The following SAMD8 variants were observed in gnomAD, a reference collection of about 807,000 sequenced individuals.
The protein encoded by SAMD8 is sphingomyelin synthase-related protein 1.
In SAMD8, 20 loss-of-function variants were observed where a neutral mutation model predicts 42.0. The ratio of observed to expected loss-of-function variants is 0.48; its 90% confidence interval spans 0.34 to 0.69. SAMD8 has a LOEUF of 0.69. Ranked by LOEUF, SAMD8 falls within the 30% of genes least tolerant of loss-of-function variation. SAMD8 has a pLI of 0.01. For synonymous variants in SAMD8, 162 were observed against 173.0 expected, an observed-to-expected ratio of 0.94 and a Z score of 0.50; for missense variants, 328 against 511.6, an observed-to-expected ratio of 0.64 and a Z score of 3.46.
intron 1 of SAMD8, among the ~76,000 whole-genome samples, chr10:75,143,177 C>T (rs773933768): frequency 4.4e-4 from 67 of 152,136 alleles, no homozygotes; most frequent in Admixed American, 7.9e-4. Flanking sequence ...TGCAGTGGCA[C>T]GGGCCCATAA....
intron 2 of SAMD8, among the ~76,000 whole-genome samples, chr10:75,154,758 G>A (rs1463759781): frequency 6.6e-6 from 1 of 152,160 alleles, no homozygotes; most frequent in Non-Finnish European, 1.5e-5. Flanking sequence ...GATGAGAACA[G>A]TGGTAGAGGT....
At chr10:75,142,097 A>G (rs934029100) in intron 1 of SAMD8, among the ~76,000 whole-genome samples, 4 of 151,840 alleles carry the variant, frequency 2.6e-5, no homozygotes, top group African/African-American at 9.7e-5. Flanking sequence ...GCAGGCACCC[A>G]CCACCATGCC....
rs530043259 is a variant in SAMD8, at chr10:75,159,063, C to CTTTTTTTTTTTTTTTTTTTTTTTTTT, written c.579-5569_579-5568insTTTTTTTTTTTTTTTTTTTTTTTTTT. ...TGTAGACAAATTTTTTTTTCTTTTT[C>CTTTTTTTTTTTTTTTTTTTTTTTTTT]TTTTTTTTTTTTTGAGACAGAGTCT... is the stretch of plus-strand genomic sequence containing the variant. On this transcript the variant is annotated intron_variant, in intron 2 of 5. Transcript: ENST00000542569. Among the ~76,000 whole-genome samples, 2 of 133,456 alleles carry CTTTTTTTTTTTTTTTTTTTTTTTTTT rather than the reference C, an allele frequency of 1.5e-5. 1 individual carries two copies. Among genetic ancestry groups the CTTTTTTTTTTTTTTTTTTTTTTTTTT allele is most frequent in the Admixed American group, 1.5e-4 (2 of 12,966 alleles). 87.6% of individuals were successfully genotyped at this position (133,456 alleles called of 152,430 possible).
intron 4 of SAMD8, among the ~76,000 whole-genome samples, chr10:75,171,087 T>G (rs965893578): frequency 6.6e-6 from 1 of 151,596 alleles, no homozygotes; most frequent in Admixed American, 6.6e-5. Context: ...TAGATACTTT[T>G]GAAACAAGGT....
chr10:75,120,512 G>A (rs949073386), intron 1 of SAMD8, among the ~76,000 whole-genome samples: 2 of 151,672 alleles, frequency 1.3e-5, no homozygotes, highest in Non-Finnish European at 2.9e-5. Context: ...CTCGTGATCC[G>A]CCCGCCTCAG....
At chr10:75,163,982 T>C (rs1052995684) in intron 2 of SAMD8, among the ~76,000 whole-genome samples, 3 of 152,048 alleles carry the variant, frequency 2.0e-5, no homozygotes, top group African/African-American at 7.2e-5. Flanking sequence ...ACTTTGGAAG[T>C]CTGAGACGGG....
rs747790763 is a variant in SAMD8, at chr10:75,176,167, T to C, written c.894T>C (p.Phe298=). Reference sequence around the variant, plus strand: ...TTCACACATGTGGAGATTACATGTTTAGTGGCCACACAGTCGTCCTAACTA... The same window carrying C: ...TTCACACATGTGGAGATTACATGTTCAGTGGCCACACAGTCGTCCTAACTA... ...TGVHTCGDYM[F]SGHTVVLTML... The change falls in exon 5 of 6, where the codon TTT becomes TTC. Residue 298 remains phenylalanine, a synonymous_variant. Transcript: ENST00000542569. This position sits in a 1 kb window ranked among gnomAD's most constrained non-coding sequence, Gnocchi z 4.3. The C allele has an allele frequency of 9.3e-6, 15 of 1,614,248 alleles. No homozygotes were observed. In the South Asian group the frequency reaches 1.4e-4, roughly 15 times the overall value.
chr10:75,107,937 G>T, upstream of SAMD8: 2 of 1,532,708 alleles, frequency 1.3e-6, no homozygotes, highest in Non-Finnish European at 1.8e-6. Flanking sequence ...AGGAAATGAG[G>T]CATCCTCCCC....
rs1016576285 is a variant in SAMD8, at chr10:75,149,601, G to A, written c.-15-913G>A. ...TTATGTGTGCAGTAGTTAGAAATAC[G>A]CTTAATCTAAAGGGTTCCCTGGAAT... is the stretch of plus-strand genomic sequence containing the variant. On this transcript the variant is annotated intron_variant, in intron 1 of 5. Coordinates refer to ENST00000542569, the MANE Select transcript of SAMD8 (RefSeq NM_001174156.2). 2.6e-5 allele frequency among the ~76,000 whole-genome samples: 4 copies of A among 152,050 alleles called. No homozygotes were observed. The South Asian group carries it at 6.2e-4, about 24-fold the overall frequency.
chr10:75,168,424 C>T, intron 3 of SAMD8, 117 bp from the exon 4 acceptor site: 1 of 1,512,114 alleles, frequency 6.6e-7, no homozygotes, highest in South Asian at 1.3e-5. Flanking sequence ...TTTCTGTCCT[C>T]TTCAAAGAGT....
chr10:75,129,468 G>A (rs892710528), intron 1 of SAMD8, among the ~76,000 whole-genome samples: 1 of 152,122 alleles, frequency 6.6e-6, no homozygotes, highest in Middle Eastern at 3.2e-3. Flanking sequence ...CTCATCTCCT[G>A]ACCTCGTGAT....
At position 75,124,998 on chromosome 10, in the gene SAMD8, G is replaced by A. The variant is rs1849097802; in HGVS notation, c.-16+13276G>A. ...GATGGGATTTCACGATGTTGCCCAG[G>A]CTGGTTTTGAACTCCTGGCCTCAAG... is the stretch of plus-strand genomic sequence containing the variant. On this transcript the variant is annotated intron_variant, in intron 1 of 5. Coordinates refer to ENST00000542569, the MANE Select transcript of SAMD8 (RefSeq NM_001174156.2). Among the ~76,000 whole-genome samples the A allele has an allele frequency of 2.0e-5, 3 of 151,820 alleles. No homozygotes were observed. In the South Asian group the frequency reaches 6.2e-4, roughly 32 times the overall value.
intron 1 of SAMD8, among the ~76,000 whole-genome samples, chr10:75,106,181 A>G (rs1255175265): frequency 6.9e-6 from 1 of 144,104 alleles, no homozygotes; most frequent in East Asian, 2.0e-4. Flanking sequence ...AACTTAAGTG[A>G]TTCTCCCACC....
chr10:75,105,761 C>T (rs372813584), intron 1 of SAMD8: 127 of 1,552,614 alleles, frequency 8.2e-5, no homozygotes, highest in South Asian at 3.1e-4. Flanking sequence ...TGCTGCCTCA[C>T]GGTGATCACC....
chr10:75,111,800 G>C, intron 1 of SAMD8, 78 bp downstream of exon 1: 1 of 1,230,428 alleles, frequency 8.1e-7, no homozygotes, highest in Non-Finnish European at 1.0e-6. Flanking sequence ...GTCTGGGATG[G>C]AGCCGGGGGC....
chr10:75,105,858 C>G lies in SAMD8; in HGVS notation c.-16+6130C>G. On this transcript the variant is annotated intron_variant, in intron 1 of 3. Coordinates refer to the SAMD8 transcript ENST00000447533. Reference sequence around the variant, plus strand: ...GGCTCACGCCCACCACACAGTGCACCAGGACCTTGGCTGAGGAAGACATCC... The same window carrying G: ...GGCTCACGCCCACCACACAGTGCACGAGGACCTTGGCTGAGGAAGACATCC... 1.9e-6 allele frequency: 3 copies of G among 1,549,200 alleles called. No homozygotes were observed. The South Asian group carries it at 3.6e-5, about 18-fold the overall frequency.
chr10:75,132,411 A>T (rs1849292935), intron 1 of SAMD8, among the ~76,000 whole-genome samples: 1 of 152,072 alleles, frequency 6.6e-6, no homozygotes, highest in African/African-American at 2.4e-5. Flanking sequence ...GTACCTTGTG[A>T]GTTTGCTTTT....
At chr10:75,116,869 G>C (rs1273903572) in intron 1 of SAMD8, among the ~76,000 whole-genome samples, 1 of 152,014 alleles carries the variant, frequency 6.6e-6, no homozygotes, top group Non-Finnish European at 1.5e-5. Context: ...TGGTGCAGTG[G>C]CGTGATGTCA....
intron 1 of SAMD8, among the ~76,000 whole-genome samples, chr10:75,129,152 A>T (rs1477868012): frequency 2.6e-5 from 3 of 116,286 alleles, no homozygotes; most frequent in African/African-American, 6.6e-5. Flanking sequence ...TTTTTTTTTT[A>T]AAGACTAGGT....
Sources: allele counts gnomAD v4.1 joint callset (sites outside exome capture counted in the v4.1 genomes callset), GRCh38; gene constraint gnomAD v4.1.1; non-coding constraint Gnocchi (gnomAD v3.1); transcripts MANE v1.5; gene names NCBI Gene and HGNC (gene_info 2026-07-23, HGNC 2026-07-21).